DCLK1: variants seen among roughly 807,000 people sequenced by gnomAD.
The protein encoded by DCLK1 is doublecortin like kinase 1.
In DCLK1, 16 loss-of-function variants were observed where a neutral mutation model predicts 86.2. That is an observed-to-expected ratio of 0.19 (90% CI 0.13 to 0.28). DCLK1 has a LOEUF of 0.28. Ranked by LOEUF, DCLK1 falls within the 10% of genes least tolerant of loss-of-function variation. The pLI is 1.00. For missense variants in DCLK1, 590 were observed against 940.2 expected, an observed-to-expected ratio of 0.63 and a Z score of 4.87; for synonymous variants, 369 against 370.5, an observed-to-expected ratio of 1.00 and a Z score of 0.05.
chr13:36,024,167 T>A (rs1006016734), intron 3 of DCLK1, among the ~76,000 whole-genome samples: 1 of 152,142 alleles, frequency 6.6e-6, no homozygotes, highest in African/African-American at 2.4e-5. Context: ...GTGCTGGGAT[T>A]ACAGGCATGA....
intron 14 of DCLK1, among the ~76,000 whole-genome samples, chr13:35,807,395 C>T (rs537087346): frequency 3.3e-5 from 5 of 152,322 alleles, no homozygotes; most frequent in African/African-American, 1.2e-4. Context: ...TCCCCCTCTG[C>T]CTCTAAATCC....
intron 3 of DCLK1, among the ~76,000 whole-genome samples, chr13:35,959,444 A>AC (rs1240197520): frequency 5.9e-5 from 9 of 151,786 alleles, no homozygotes; most frequent in African/African-American, 1.7e-4. Context: ...GACCTGGAAC[A>AC]CCCCCCCACC....
At chr13:35,894,921 T>A (rs1326917450) in intron 4 of DCLK1, among the ~76,000 whole-genome samples, 2 of 152,134 alleles carry the variant, frequency 1.3e-5, no homozygotes, top group Non-Finnish European at 2.9e-5. Context: ...ACAAAGATAA[T>A]CATATTCAAG....
rs532051324 is a variant in DCLK1 at position 35,839,131 on chromosome 13, C to G, written c.1081G>C (p.Val361Leu). 6.9e-6 allele frequency: 11 copies of G among 1,598,274 alleles called. No homozygotes were observed. In the South Asian group the frequency reaches 1.1e-4, roughly 17 times the overall value. ...TCGTTCTCATCCATCGAGCTGCAGA[C>G]TTTGGTGGACGCAAGTGACGTAGAG... ...GSSTSLASTK[V>L]CSSMDENDGP... Residue 361 changes from valine to leucine, a missense_variant, in exon 7 of 17, where the codon GTC becomes CTC. By Grantham distance (32) the Val-to-Leu change is conservative (BLOSUM62 1). This residue lies in a region of DCLK1 where 63 missense variants were observed against 64.3 expected (regional missense o/e 0.98). Transcript: ENST00000360631.
At chr13:35,951,489 TG>T (rs1877688752) in intron 3 of DCLK1, among the ~76,000 whole-genome samples, 1 of 150,654 alleles carries the variant, frequency 6.6e-6, no homozygotes, top group African/African-American at 2.4e-5. Context: ...TATAGCCTAT[TG>T]CTCAGTTGCA....
intron 16 of DCLK1, among the ~76,000 whole-genome samples, chr13:35,789,061 C>T: frequency 6.6e-6 from 1 of 152,070 alleles, no homozygotes; most frequent in East Asian, 1.9e-4. Context: ...AGTTGTTCAT[C>T]CTGGAATAAG....
chr13:35,873,165 G>A (rs983610609), intron 4 of DCLK1, among the ~76,000 whole-genome samples: 1 of 151,970 alleles, frequency 6.6e-6, no homozygotes, highest in African/African-American at 2.4e-5. Context: ...GGGTATGGTG[G>A]TGGGCGCCAG....
intron 6 of DCLK1, chr13:35,849,419 C>T: frequency 1.0e-6 from 1 of 985,148 alleles, no homozygotes; most frequent in Non-Finnish European, 1.2e-6. Flanking sequence ...TTATCACCTA[C>T]TGAGATATGT....
Position 35,967,265 on chromosome 13 carries a change from C to T in DCLK1, c.724-19808G>A, listed in dbSNP as rs879596317. On this transcript the variant is annotated intron_variant, in intron 3 of 16. Transcript: ENST00000360631. ...CTGGGAGGTTGGGGGCGCCTCTGCC[C>T]GGCCGCCCCGTCTGGGAAGTGAGGA... is the stretch of plus-strand genomic sequence containing the variant. 3.5e-4 allele frequency among the ~76,000 whole-genome samples: 53 copies of T among 149,840 alleles called. 1 individual carries two copies. The highest frequency in any genetic ancestry group is 9.3e-4 in the African/African-American group (38 of 40,768).
intron 2 of DCLK1, among the ~76,000 whole-genome samples, chr13:36,118,478 A>G (rs988826419): frequency 2.0e-5 from 3 of 152,152 alleles, no homozygotes; most frequent in African/African-American, 7.2e-5. Context: ...ATACACCACA[A>G]TAGATACAAT....
intron 3 of DCLK1, among the ~76,000 whole-genome samples, chr13:36,058,571 C>T (rs543580764): frequency 1.3e-5 from 2 of 152,164 alleles, no homozygotes; most frequent in East Asian, 3.9e-4. Context: ...AGGTCCACAG[C>T]TATAAGAAAC....
At chr13:35,987,738 G>A (rs1349034142) in intron 3 of DCLK1, among the ~76,000 whole-genome samples, 1 of 152,182 alleles carries the variant, frequency 6.6e-6, no homozygotes, top group Non-Finnish European at 1.5e-5. Flanking sequence ...GGCCACAGTG[G>A]GGGAGCCAAG....
chr13:35,826,413 C>G (rs1444861914), intron 10 of DCLK1, among the ~76,000 whole-genome samples: 1 of 150,826 alleles, frequency 6.6e-6, no homozygotes, highest in Non-Finnish European at 1.5e-5. Flanking sequence ...ATCCCAGCTA[C>G]TAGGGAGGCT....
At chr13:36,091,626 T>C (rs1884831347) in intron 3 of DCLK1, among the ~76,000 whole-genome samples, 2 of 152,192 alleles carry the variant, frequency 1.3e-5, no homozygotes, top group Admixed American at 1.3e-4. Flanking sequence ...GAAAATTTAT[T>C]TCAGTCATGA....
chr13:35,995,967 T>C (rs1880453248), intron 3 of DCLK1, among the ~76,000 whole-genome samples: 1 of 152,170 alleles, frequency 6.6e-6, no homozygotes, highest in Admixed American at 6.6e-5. Flanking sequence ...AGATGGAGTT[T>C]CATTCACTCT....
chr13:35,788,084 A>T (rs1038248992), intron 16 of DCLK1: 1 of 872,350 alleles, frequency 1.1e-6, no homozygotes, highest in Non-Finnish European at 1.9e-6. Context: ...TTAAAATGAA[A>T]CTGATAAAGC....
intron 15 of DCLK1, among the ~76,000 whole-genome samples, chr13:35,796,534 C>T (rs561114780): frequency 1.2e-4 from 18 of 152,168 alleles, no homozygotes; most frequent in South Asian, 6.2e-4. Context: ...CACGGCAGGG[C>T]GAGGAAGGTG....
At chr13:35,949,194 T>C (rs1226952295) in intron 3 of DCLK1, among the ~76,000 whole-genome samples, 1 of 152,210 alleles carries the variant, frequency 6.6e-6, no homozygotes, top group Non-Finnish European at 1.5e-5. Flanking sequence ...AAAAGAGAGT[T>C]CTAAAGCCAA....
chr13:36,127,246 T>C (rs1229652119), intron 1 of DCLK1, among the ~76,000 whole-genome samples: 1 of 152,200 alleles, frequency 6.6e-6, no homozygotes, highest in Non-Finnish European at 1.5e-5. Context: ...AAATTCACTA[T>C]ACTTCATTTA....
Sources: allele counts gnomAD v4.1 joint callset (sites outside exome capture counted in the v4.1 genomes callset), GRCh38; gene constraint gnomAD v4.1.1; regional missense constraint gnomAD v4.1.1; transcripts MANE v1.5; gene names NCBI Gene and HGNC (gene_info 2026-07-23, HGNC 2026-07-21).